Variants in STRN3 observed in about 807,000 individuals in gnomAD.
The protein encoded by STRN3 is striatin-3.
In STRN3, 29 loss-of-function variants were observed where a neutral mutation model predicts 95.6. The ratio of observed to expected loss-of-function variants is 0.30; its 90% CI spans 0.23 to 0.41. The LOEUF (loss-of-function observed/expected upper bound fraction) is 0.41. STRN3 is among the 10% of genes least tolerant of loss of function. STRN3 has a pLI of 1.00. For missense variants in STRN3, 890 were observed against 972.1 expected, an observed-to-expected ratio of 0.92 and a Z score of 1.12; for synonymous variants, 331 against 357.6, an observed-to-expected ratio of 0.93 and a Z score of 0.84.
chr14:30,973,356 G>A (rs1006822040), intron 1 of STRN3, among the ~76,000 whole-genome samples: 1 of 147,854 alleles, frequency 6.8e-6, no homozygotes, highest in Non-Finnish European at 1.5e-5. Context: ...GAGAGAAGGG[G>A]ACAGAGAGGG....
chr14:30,906,383 G>A (rs1896461124), intron 14 of STRN3, among the ~76,000 whole-genome samples: 1 of 152,064 alleles, frequency 6.6e-6, no homozygotes, highest in East Asian at 1.9e-4. Context: ...GTCTTCAAAA[G>A]GTAAACTGGT....
intron 1 of STRN3, among the ~76,000 whole-genome samples, chr14:30,961,135 C>A (rs10483354): frequency 0.056 from 8,571 of 152,122 alleles, 442 homozygotes; most frequent in East Asian, 0.21. Flanking sequence ...GAGGAATTGG[C>A]AACCTATCCC....
intron 7 of STRN3, among the ~76,000 whole-genome samples, chr14:30,929,953 G>GGAAAAAA (rs1878399471): frequency 1.3e-4 from 1 of 7,888 alleles, no homozygotes; most frequent in African/African-American, 3.2e-4. Flanking sequence ...ACTAAGATTA[G>GGAAAAAA]CAAAAAAAAA....
intron 1 of STRN3, among the ~76,000 whole-genome samples, chr14:31,009,559 C>T (rs1214232843): frequency 6.7e-6 from 1 of 149,854 alleles, no homozygotes; most frequent in African/African-American, 2.5e-5. Context: ...AAAAATATAG[C>T]AGTGGTTGTT....
intron 1 of STRN3, among the ~76,000 whole-genome samples, chr14:30,974,910 C>G (rs564964883): frequency 1.3e-5 from 2 of 151,758 alleles, no homozygotes; most frequent in Non-Finnish European, 2.9e-5. Context: ...TTGCTTGACA[C>G]AGAGTTGCCA....
chr14:30,975,909 A>G (rs1240321721), intron 1 of STRN3, among the ~76,000 whole-genome samples: 3 of 151,994 alleles, frequency 2.0e-5, no homozygotes, highest in Admixed American at 1.3e-4. Context: ...GATAACTACT[A>G]AAAGAAACAT....
rs1878758145 is a variant in STRN3, at chr14:30,935,180, C to T, written c.971G>A (p.Gly324Glu). The change falls in exon 7 of 18, where the codon GGG (glycine) becomes GAG (glutamate). Residue 324 changes from glycine to glutamate, a missense_variant. Transcript: ENST00000357479. ...GEGAGEARSS[G>E]DGTEWDKDDL... is the part of the protein sequence containing the mutation. ...CACCTTACCCCATTCTGTGCCATCCCCCGAACTCCGTGCTTCTCCAGCTCC... is the reference window on the plus strand; with the variant it reads ...CACCTTACCCCATTCTGTGCCATCCTCCGAACTCCGTGCTTCTCCAGCTCC... The T allele has an allele frequency of 6.2e-7, 1 of 1,613,932 alleles. No individual in the cohort carries two copies. Among genetic ancestry groups the T allele is most frequent in the South Asian group, 1.1e-5 (1 of 91,080 alleles).
chr14:30,997,410 T>TA (rs1427582588), intron 1 of STRN3, among the ~76,000 whole-genome samples: 1 of 152,138 alleles, frequency 6.6e-6, no homozygotes, highest in Admixed American at 6.6e-5. Flanking sequence ...TCCTCTGCCT[T>TA]AATCATCCTA....
chr14:30,909,184 A>G (rs1021189194), intron 13 of STRN3, among the ~76,000 whole-genome samples: 3 of 152,214 alleles, frequency 2.0e-5, no homozygotes, highest in Non-Finnish European at 4.4e-5. Context: ...AAACTACTGA[A>G]CTGTAGACTT....
In STRN3 at chr14:31,016,438, T is replaced by A. The variant is rs1056076972; in HGVS notation, c.282+9466A>T. ...ATACACTGCTACTAAGTGAAAAGGC[T>A]ACATATTATACGATTCAAACTAAGG... On this transcript the variant is annotated intron_variant, in intron 1 of 17. Coordinates refer to ENST00000357479, the MANE Select transcript of STRN3 (RefSeq NM_001083893.2). Among the ~76,000 whole-genome samples the A allele has an allele frequency of 1.1e-4, 17 of 152,164 alleles. No homozygotes were observed. In the East Asian group the frequency reaches 3.1e-3, roughly 28 times the overall value.
At chr14:30,998,376 G>A (rs1004361483) in intron 1 of STRN3, among the ~76,000 whole-genome samples, 19 of 152,334 alleles carry the variant, frequency 1.2e-4, no homozygotes, top group African/African-American at 4.6e-4. Context: ...GCTGGGAAAT[G>A]AGATGTATGC....
chr14:30,927,257 G>C (rs1020126198), intron 8 of STRN3, among the ~76,000 whole-genome samples: 2 of 152,068 alleles, frequency 1.3e-5, no homozygotes, highest in African/African-American at 4.8e-5. Context: ...TGAGGCTACA[G>C]TGAGCTATGA....
rs538958804 is a variant in STRN3, at chr14:30,972,742, G to A, written c.283-16500C>T. Among the ~76,000 whole-genome samples the A allele has an allele frequency of 5.3e-5, 8 of 152,240 alleles. No homozygotes were observed. The South Asian group carries it at 1.2e-3, about 24-fold the overall frequency. On this transcript the variant is annotated intron_variant, in intron 1 of 17. Coordinates refer to ENST00000357479, the MANE Select transcript of STRN3 (RefSeq NM_001083893.2). ...GAAAGCTTGAGCCCAAGAGGTTGAC[G>A]TTACAATGAGCTATGATTGCGCCAC...
intron 1 of STRN3, among the ~76,000 whole-genome samples, chr14:30,992,001 G>A (rs1044928327): frequency 2.6e-5 from 4 of 151,172 alleles, no homozygotes; most frequent in Non-Finnish European, 4.4e-5. Flanking sequence ...CAGTCCATAC[G>A]ACTATTAAAA....
chr14:30,968,712 G>C (rs1364738595), intron 1 of STRN3, among the ~76,000 whole-genome samples: 1 of 150,068 alleles, frequency 6.7e-6, no homozygotes, highest in African/African-American at 2.5e-5. Context: ...CGGCAAGTCA[G>C]AAAGTTGAGG....
intron 1 of STRN3, among the ~76,000 whole-genome samples, chr14:30,959,626 A>C (rs1880088813): frequency 6.6e-6 from 1 of 152,202 alleles, no homozygotes; most frequent in Admixed American, 6.5e-5. Context: ...TTTTAAAAGT[A>C]ACCTCAAAAA....
intron 1 of STRN3, among the ~76,000 whole-genome samples, chr14:31,004,526 C>G (rs1391921595): frequency 6.6e-6 from 1 of 152,106 alleles, no homozygotes; most frequent in African/African-American, 2.4e-5. Context: ...ATAATCCCAG[C>G]ACTTTGGGAG....
intron 4 of STRN3, among the ~76,000 whole-genome samples, chr14:30,950,480 G>C (rs1879583590): frequency 6.6e-6 from 1 of 152,132 alleles, no homozygotes; most frequent in Admixed American, 6.5e-5. Flanking sequence ...AGGAAGATTT[G>C]GCAATCCACT....
intron 13 of STRN3, among the ~76,000 whole-genome samples, chr14:30,910,631 A>G (rs1214305010): frequency 1.3e-5 from 2 of 151,984 alleles, no homozygotes; most frequent in Admixed American, 6.5e-5. Context: ...TGAGCTAAGA[A>G]TAACAAAAAA....
Sources: gnomAD v4.1 joint callset for allele counts (sites outside exome capture counted in the v4.1 genomes callset) on GRCh38, gnomAD v4.1.1 for gene constraint, MANE v1.5 for transcripts, NCBI Gene and HGNC (gene_info 2026-07-23, HGNC 2026-07-21) for gene names.